SPAST: variants seen among roughly 807,000 people sequenced by gnomAD.
SPAST encodes the protein spastic paraplegia 4 (autosomal dominant; spastin).
Under a neutral mutation model 76.6 loss-of-function variants are expected in SPAST, and 30 were observed. The ratio of observed to expected loss-of-function variants is 0.39; its 90% CI spans 0.29 to 0.53. The LOEUF (loss-of-function observed/expected upper bound fraction) is 0.53, where lower values mean the gene tolerates loss of function less well. SPAST is among the 20% of genes least tolerant of loss of function. The pLI, the probability that SPAST is intolerant of heterozygous loss-of-function variation, is 0.68. For missense variants in SPAST, 717 were observed against 770.5 expected (o/e 0.93, Z 0.82); for synonymous variants, 305 against 281.0 (o/e 1.09, Z -0.86).
intron 8 of SPAST, chr2:32,127,646 A>G (rs1365140340): frequency 6.6e-6 from 1 of 150,564 alleles, no homozygotes; most frequent in Admixed American, 6.6e-5. Flanking sequence ...AGTAATCAGT[A>G]TGTTATAGCT....
Position 32,114,778 on chromosome 2 carries a change from G to A in SPAST, c.823G>A (p.Val275Ile). The A allele has an allele frequency of 1.2e-6, 2 of 1,614,048 alleles. No homozygotes were observed. The highest frequency in any genetic ancestry group is 1.7e-6 in the Non-Finnish European group (2 of 1,179,982). ...ACCTAGTTACAGTGGTTTATCCATG[G>A]TTTCTGGAGTGAAACAGGGATCTGG... ...RAPSYSGLSM[V>I]SGVKQGSGPA... Residue 275 changes from valine to isoleucine, a missense_variant, in exon 5 of 17, where the codon GTT (valine) becomes ATT (isoleucine). Val to Ile is a conservative substitution (Grantham distance 29). Around this residue, in one of 3 missense-constraint regions of SPAST, gnomAD observed 543 missense variants for 445.2 expected, o/e 1.22. Transcript: ENST00000315285.
At chr2:32,088,731 G>C (rs1041736535) in intron 2 of SPAST, among the ~76,000 whole-genome samples, 3 of 152,160 alleles carry the variant, frequency 2.0e-5, no homozygotes, top group Non-Finnish European at 2.9e-5. Context: ...TTTAATTAAA[G>C]TATGATATAT....
At chr2:32,108,017 A>G (rs1323427704) in intron 4 of SPAST, among the ~76,000 whole-genome samples, 2 of 152,160 alleles carry the variant, frequency 1.3e-5, no homozygotes, top group Non-Finnish European at 2.9e-5. Context: ...CTAGACAGGC[A>G]AAGAAAAAGT....
At chr2:32,067,351 G>A (rs898442473) in intron 1 of SPAST, among the ~76,000 whole-genome samples, 4 of 151,950 alleles carry the variant, frequency 2.6e-5, no homozygotes, top group Non-Finnish European at 4.4e-5. Context: ...TGTGAGCCGC[G>A]GTGACCGACC....
At chr2:32,075,922 A>T (rs1416389789) in intron 1 of SPAST, among the ~76,000 whole-genome samples, 2 of 90,114 alleles carry the variant, frequency 2.2e-5, no homozygotes, top group Admixed American at 3.0e-4. Context: ...TTTTTTTGAG[A>T]CAGAGTCTCG....
At chr2:32,112,141 T>C (rs1451598174) in intron 4 of SPAST, among the ~76,000 whole-genome samples, 10 of 149,226 alleles carry the variant, frequency 6.7e-5, no homozygotes, top group African/African-American at 2.2e-4. Flanking sequence ...TGAGTGGAGA[T>C]GGGGTTTCAC....
chr2:32,148,863 A>G (rs966427998), intron 16 of SPAST, among the ~76,000 whole-genome samples: 1 of 150,188 alleles, frequency 6.7e-6, no homozygotes, highest in African/African-American at 2.4e-5. Context: ...GGTCCTGGCT[A>G]CTTGGGAAGC....
intron 4 of SPAST, among the ~76,000 whole-genome samples, chr2:32,102,919 G>C (rs779879518): frequency 5.3e-5 from 8 of 152,156 alleles, no homozygotes; most frequent in Non-Finnish European, 8.8e-5. Context: ...AGGGATATTG[G>C]TCTAAAATTC....
chr2:32,138,244 C>G (rs748760863), intron 12 of SPAST, among the ~76,000 whole-genome samples: 11 of 152,316 alleles, frequency 7.2e-5, no homozygotes, highest in Non-Finnish European at 1.0e-4. Flanking sequence ...AAACTGCTTT[C>G]TACAATGACT....
Position 32,086,662 on chromosome 2 carries a change from ACAG to A in SPAST, c.416-826_416-824del, listed in dbSNP as rs777811913. ...AACCCCAGCTACTCCAGAGGCTGAGACAGCAGAATCGCTTGAACCCGGGAGGGG... is the reference window on the plus strand; with the variant it reads ...AACCCCAGCTACTCCAGAGGCTGAGACAGAATCGCTTGAACCCGGGAGGGG... On this transcript the variant is annotated intron_variant, in intron 1 of 16. Transcript: ENST00000315285. 3.3e-5 allele frequency among the ~76,000 whole-genome samples: 5 copies of A among 151,874 alleles called. No homozygotes were observed. In the East Asian group the frequency reaches 7.7e-4, roughly 24 times the overall value.
chr2:32,125,900 T>C (rs904189231), intron 7 of SPAST, among the ~76,000 whole-genome samples: 3 of 152,118 alleles, frequency 2.0e-5, no homozygotes, highest in Admixed American at 6.5e-5. Flanking sequence ...GTTCACGCCA[T>C]TTTCCTGCCT....
rs150410926 is a variant in SPAST, at chr2:32,143,828, C to T, written c.1616+413C>T. ...TTGATGTGGGAGGATCGCTTCAGCC[C>T]GGGAGGTGGAGGTTGAGCAACAGAG... On this transcript the variant is annotated intron_variant, in intron 14 of 16. Transcript: ENST00000315285. 3.3e-3 allele frequency among the ~76,000 whole-genome samples: 496 copies of T among 152,030 alleles called. 9 individuals carry two copies. The highest frequency in any genetic ancestry group is 0.031 in the Admixed American group (466 of 15,242).
At chr2:32,106,409 C>T (rs1293849432) in intron 4 of SPAST, among the ~76,000 whole-genome samples, 1 of 152,178 alleles carries the variant, frequency 6.6e-6, no homozygotes. Flanking sequence ...CTTGCGCTTC[C>T]CAGGTGAGGC....
In SPAST at chr2:32,112,177, T is replaced by G. The variant is rs188372727; in HGVS notation, c.683-2461T>G. The stretch of plus-strand genomic sequence containing the variant: ...CATGTTGGCCAGGCTGATCTTAAAC[T>G]CCTGACCTCAGATGGACCACCTGCT... On this transcript the variant is annotated intron_variant, in intron 4 of 16. Transcript: ENST00000315285. 5.9e-3 allele frequency among the ~76,000 whole-genome samples: 893 copies of G among 151,624 alleles called. 11 individuals are homozygous for G. Among genetic ancestry groups the G allele is most frequent in the African/African-American group, 0.02 (835 of 41,346 alleles).
At chr2:32,119,926 C>CT (rs1211672514) in intron 7 of SPAST, among the ~76,000 whole-genome samples, 2 of 151,784 alleles carry the variant, frequency 1.3e-5, no homozygotes, top group African/African-American at 4.8e-5. Flanking sequence ...TCTCTTGCTG[C>CT]TTAAATGTGA....
chr2:32,147,550 C>G (rs1226691772), intron 16 of SPAST, among the ~76,000 whole-genome samples: 1 of 152,070 alleles, frequency 6.6e-6, no homozygotes, highest in East Asian at 1.9e-4. Context: ...CTCCTGACCT[C>G]AAGTGATCCA....
Position 32,155,384 on chromosome 2 carries a change from T to C in SPAST, c.*888T>C, listed in dbSNP as rs1680220283. The C allele has an allele frequency of 6.6e-6, 1 of 152,600 alleles. No homozygotes were observed. The highest frequency in any genetic ancestry group is 2.4e-5 in the African/African-American group (1 of 41,456). The allele number at this position is 152,600 out of a possible 1,614,324, so 9.5% of individuals were successfully genotyped here. On this transcript the variant is annotated 3_prime_UTR_variant, in exon 17 of 17. Coordinates refer to ENST00000315285, the MANE Select transcript of SPAST (RefSeq NM_014946.4). ...GAGCCAATTTTAACTGCTGTGAAAATGTTTCCAGTGCAAGAGAAGGGAAAT... is the reference window on the plus strand; with the variant it reads ...GAGCCAATTTTAACTGCTGTGAAAACGTTTCCAGTGCAAGAGAAGGGAAAT...
At chr2:32,105,869 G>A (rs547713807) in intron 4 of SPAST, among the ~76,000 whole-genome samples, 3 of 152,286 alleles carry the variant, frequency 2.0e-5, no homozygotes, top group East Asian at 1.9e-4. Flanking sequence ...CAGTCAGCCC[G>A]TATGGGGAGG....
chr2:32,143,512 A>T, intron 14 of SPAST, 97 bp downstream of exon 14: 3 of 764,640 alleles, frequency 3.9e-6, no homozygotes, highest in Non-Finnish European at 6.7e-6. Flanking sequence ...GTATGAAATG[A>T]GTAATTCATT....
Sources: gnomAD v4.1 joint callset for allele counts (sites outside exome capture counted in the v4.1 genomes callset) on GRCh38, gnomAD v4.1.1 for gene constraint, gnomAD v4.1.1 regional missense constraint, MANE v1.5 for transcripts, NCBI Gene and HGNC (gene_info 2026-07-23, HGNC 2026-07-21) for gene names.